Variants in SCN3A observed in about 807,000 individuals in gnomAD.
The protein encoded by SCN3A is sodium channel protein type 3 subunit alpha.
A neutral mutation model predicts 187.6 loss-of-function variants in SCN3A; 60 were observed. The observed-to-expected ratio is 0.32, with a 90% confidence interval of 0.26 to 0.40. The LOEUF (loss-of-function observed/expected upper bound fraction) is 0.40, where lower values mean the gene tolerates loss of function less well. SCN3A is among the 10% of genes least tolerant of loss of function. The probability of loss-of-function intolerance (pLI) is 1.00; values close to 1 mark genes in which losing one functional copy is unlikely to be tolerated. For missense variants in SCN3A, 1,601 were observed against 2,428.2 expected, an observed-to-expected ratio of 0.66 and a Z score of 7.16; for synonymous variants, 788 against 829.2, an observed-to-expected ratio of 0.95 and a Z score of 0.85.
chr2:165,135,849 C>T (rs1687631859), intron 15 of SCN3A, among the ~76,000 whole-genome samples: 1 of 151,988 alleles, frequency 6.6e-6, no homozygotes, highest in Non-Finnish European at 1.5e-5. Context: ...CAAGTCTGTT[C>T]CCTATAATTT....
chr2:165,137,661 G>C (rs1057070200), intron 15 of SCN3A, among the ~76,000 whole-genome samples: 1 of 152,122 alleles, frequency 6.6e-6, no homozygotes, highest in African/African-American at 2.4e-5. Flanking sequence ...AAGACACCAT[G>C]ATCAATCAGC....
Position 165,176,319 on chromosome 2 carries a change from C to T in SCN3A, c.76G>A (p.Glu26Lys), listed in dbSNP as rs141705204. 15 of 1,613,870 alleles carry T rather than the reference C, an allele frequency of 9.3e-6. No individual in the cohort carries two copies. The highest frequency in any genetic ancestry group is 8.3e-5 in the Admixed American group (5 of 59,978). The change falls in exon 3 of 28, where the codon GAA becomes AAA. Residue 26 changes from glutamate (E) to lysine (K), a missense_variant. Physicochemically the swap from Glu to Lys is moderately conservative, Grantham distance 56 (BLOSUM62 1). Transcript: ENST00000283254. ...LFTRESLAAI[E>K]KRAAEEKAKK... ...GCTTTCTCTTCTGCAGCACGTTTTT[C>T]GATAGCAGCAAGAGATTCTCTAGTA... is the stretch of plus-strand genomic sequence containing the variant.
intron 15 of SCN3A, among the ~76,000 whole-genome samples, chr2:165,135,372 T>C (rs1229446998): frequency 6.6e-6 from 1 of 152,036 alleles, no homozygotes; most frequent in Admixed American, 6.6e-5. Flanking sequence ...GAATGCAAAA[T>C]GGGGCATATT....
intron 1 of SCN3A, among the ~76,000 whole-genome samples, chr2:165,199,241 T>G (rs1316195396): frequency 2.6e-5 from 4 of 152,044 alleles, no homozygotes; most frequent in African/African-American, 9.7e-5. Context: ...TATTTAATAA[T>G]TAAGGGACCA....
At chr2:165,101,234 C>T (rs1367012821) in intron 21 of SCN3A, among the ~76,000 whole-genome samples, 2 of 152,186 alleles carry the variant, frequency 1.3e-5, no homozygotes, top group African/African-American at 4.8e-5. Flanking sequence ...ATCCAAAACA[C>T]TTCTGGTTTT....
At chr2:165,091,495 CAG>C in intron 27 of SCN3A, 150 bp from the exon 28 acceptor site, 1 of 1,055,284 alleles carries the variant, frequency 9.5e-7, no homozygotes, top group East Asian at 2.6e-5. Context: ...TTAGCAATTA[CAG>C]ATTACAGAGT....
rs889061343 is a variant in SCN3A, at chr2:165,088,516, G to T, written c.*1634C>A. 1 of 152,358 alleles carries T rather than the reference G, an allele frequency of 6.6e-6. No homozygotes were observed. The highest frequency in any genetic ancestry group is 2.4e-5 in the African/African-American group (1 of 41,402). The allele number at this position is 152,358 out of a possible 1,614,324, so 9.4% of individuals were successfully genotyped here. A position where few individuals can be genotyped will look rare whatever the true frequency, so the allele number is the denominator to read the frequency against. Reference sequence around the variant, plus strand: ...CCATAGTTGGTAGAAAATGATCTAGGTTTGAGTGTTTGACCAATGTATCTC... The same window carrying T: ...CCATAGTTGGTAGAAAATGATCTAGTTTTGAGTGTTTGACCAATGTATCTC... On this transcript the variant is annotated 3_prime_UTR_variant, in exon 28 of 28. Coordinates refer to ENST00000283254, the MANE Select transcript of SCN3A (RefSeq NM_006922.4).
intron 5 of SCN3A, among the ~76,000 whole-genome samples, chr2:165,167,504 T>C (rs1442689348): frequency 6.6e-6 from 1 of 152,160 alleles, no homozygotes; most frequent in Admixed American, 6.6e-5. Context: ...CGATTGTACA[T>C]TACTTTTAAA....
chr2:165,156,974 A>C (rs1278977394), intron 9 of SCN3A, among the ~76,000 whole-genome samples: 1 of 152,002 alleles, frequency 6.6e-6, no homozygotes, highest in African/African-American at 2.4e-5. Context: ...GCAGTGGTGC[A>C]ATCTCGGCTC....
intron 9 of SCN3A, 67 bp downstream of exon 9, chr2:165,162,241 G>C (rs1689443610): frequency 1.4e-6 from 2 of 1,391,686 alleles, no homozygotes; most frequent in Admixed American, 3.6e-5. Context: ...CCATGTAGTT[G>C]TTTTCCTACC....
chr2:165,146,666 C>A, intron 12 of SCN3A, 73 bp downstream of exon 12: 1 of 1,559,588 alleles, frequency 6.4e-7, no homozygotes. Flanking sequence ...CAAAAGTGTA[C>A]CAAAACAAAA....
intron 9 of SCN3A, among the ~76,000 whole-genome samples, chr2:165,161,137 CTTTTT>C (rs61608647): frequency 0.16 from 15,370 of 94,556 alleles, 1,226 homozygotes; most frequent in East Asian, 0.52. Context: ...TTCTTTCTTT[CTTTTT>C]TTTTTTTTTT....
chr2:165,154,934 A>G (rs938343356), intron 10 of SCN3A, among the ~76,000 whole-genome samples: 10 of 152,190 alleles, frequency 6.6e-5, no homozygotes, highest in African/African-American at 2.4e-4. Context: ...ATTAGAGTTC[A>G]TATGCAGAGC....
At position 165,087,714 on chromosome 2, in the gene SCN3A, C is replaced by T. The variant is rs1684900022; in HGVS notation, c.*2436G>A. On this transcript the variant is annotated 3_prime_UTR_variant, in exon 28 of 28. Coordinates refer to ENST00000283254, the MANE Select transcript of SCN3A (RefSeq NM_006922.4). ...ATTCTCAATAACTATATCATTAATACCTTATGTATACATAGGAGTTTATAT... is the reference window on the plus strand; with the variant it reads ...ATTCTCAATAACTATATCATTAATATCTTATGTATACATAGGAGTTTATAT... The T allele has an allele frequency of 6.6e-6, 1 of 151,800 alleles. No individual in the cohort carries two copies. The allele number at this position is 151,800 out of a possible 1,614,324, so 9.4% of individuals were successfully genotyped here. A position where few individuals can be genotyped will look rare whatever the true frequency, so the allele number is the denominator to read the frequency against.
At chr2:165,128,548 A>G (rs1687134421) in intron 17 of SCN3A, among the ~76,000 whole-genome samples, 1 of 152,198 alleles carries the variant, frequency 6.6e-6, no homozygotes, top group Non-Finnish European at 1.5e-5. Flanking sequence ...GAACTTATTT[A>G]TTTAATAGCC....
Position 165,140,907 on chromosome 2 carries a change from C to T in SCN3A, c.1763G>A (p.Gly588Glu), listed in dbSNP as rs1346413369. Residue 588 changes from glycine (G) to glutamate (E), a missense_variant, in exon 13 of 28, where the codon GGA becomes GAA. This residue lies in a region of SCN3A where 376 missense variants were observed against 476.0 expected (regional missense o/e 0.79). Transcript: ENST00000283254. This position sits in a 1 kb window ranked among gnomAD's most constrained non-coding sequence, Gnocchi z 4.2. ...ATCATCAGCAAAGTCATTTTCAGATCCAACATCCTTTGCCCGACCTCTGAA... is the reference window on the plus strand; with the variant it reads ...ATCATCAGCAAAGTCATTTTCAGATTCAACATCCTTTGCCCGACCTCTGAA... The part of the protein sequence containing the change: ...FSFRGRAKDV[G>E]SENDFADDEH... The T allele has an allele frequency of 6.2e-7, 1 of 1,614,028 alleles. No homozygotes were observed. Among genetic ancestry groups the T allele is most frequent in the South Asian group, 1.1e-5 (1 of 91,068 alleles).
chr2:165,136,455 C>T (rs939492309), intron 15 of SCN3A, among the ~76,000 whole-genome samples: 2 of 152,184 alleles, frequency 1.3e-5, no homozygotes, highest in Non-Finnish European at 2.9e-5. Context: ...GGTGCTTTCA[C>T]ATTACCTCAT....
rs910044598 is a variant in SCN3A, at chr2:165,092,943, C to T, written c.4537-419G>A. ...TGGCACAGGCTTGCAGTCCCAGCTA[C>T]GAGGGAGGCTGAGGTGAATCACTTG... On this transcript the variant is annotated intron_variant, in intron 26 of 27. Transcript: ENST00000283254. The surrounding 1 kb of genome is among the most constrained non-coding windows in gnomAD (Gnocchi z 4.2). 4 of 179,626 alleles carry T rather than the reference C, an allele frequency of 2.2e-5. No homozygotes were observed. The highest frequency in any genetic ancestry group is 3.5e-5 in the Non-Finnish European group (3 of 85,018). 11.1% of individuals were successfully genotyped at this position (179,626 alleles called of 1,614,324 possible). A position where few individuals can be genotyped will look rare whatever the true frequency, so the allele number is the denominator to read the frequency against.
rs866226649 is a variant in SCN3A, at chr2:165,130,915, C to A, written c.2565+329G>T. Among the ~76,000 whole-genome samples the A allele has an allele frequency of 3.3e-5, 5 of 151,962 alleles. No individual in the cohort carries two copies. The South Asian group carries it at 1.0e-3, about 31-fold the overall frequency. On this transcript the variant is annotated intron_variant, in intron 16 of 27. Coordinates refer to ENST00000283254, the MANE Select transcript of SCN3A (RefSeq NM_006922.4). ...TCCTAGAAGTAGGGTTAATAAAAAG[C>A]TAAAATTAACTGGGGTCTAAATTTT...
Sources: allele counts gnomAD v4.1 joint callset (sites outside exome capture counted in the v4.1 genomes callset), GRCh38; gene constraint gnomAD v4.1.1; regional missense constraint gnomAD v4.1.1; non-coding constraint Gnocchi (gnomAD v3.1); transcripts MANE v1.5; gene names NCBI Gene and HGNC (gene_info 2026-07-23, HGNC 2026-07-21).